RAP1B: variants seen among roughly 807,000 people sequenced by gnomAD.
RAP1B encodes ras-related protein Rap-1b.
A neutral mutation model predicts 27.5 loss-of-function variants in RAP1B; 1 was observed. The observed-to-expected ratio is 0.04, with a 90% CI of 0.01 to 0.17. The LOEUF is 0.17. RAP1B is among the 10% of genes least tolerant of loss of function. RAP1B has a pLI of 1.00. For synonymous variants in RAP1B, 75 were observed against 73.1 expected (o/e 1.03, Z -0.13); for missense variants, 84 against 214.8 (o/e 0.39, Z 3.81).
At chr12:68,648,817 C>G in intron 2 of RAP1B, 36 bp downstream of exon 2, 1 of 1,553,148 alleles carries the variant, frequency 6.4e-7, no homozygotes, top group Non-Finnish European at 8.7e-7. Context: ...CCTTTCACTC[C>G]AAGACGTTCT....
chr12:68,644,396 C>T (rs960805381), intron 1 of RAP1B, among the ~76,000 whole-genome samples: 3 of 151,962 alleles, frequency 2.0e-5, no homozygotes, highest in East Asian at 1.9e-4. Flanking sequence ...ATCTGGCTAA[C>T]GCGGTGAAAC....
intron 4 of RAP1B, among the ~76,000 whole-genome samples, chr12:68,652,702 C>T (rs569564635): frequency 2.6e-5 from 4 of 152,008 alleles, no homozygotes; most frequent in Non-Finnish European, 2.9e-5. Flanking sequence ...CCTGTAATCC[C>T]AGTTACTTGG....
At chr12:68,644,409 C>T (rs190648359) in intron 1 of RAP1B, among the ~76,000 whole-genome samples, 7 of 151,928 alleles carry the variant, frequency 4.6e-5, no homozygotes, top group Admixed American at 1.3e-4. Flanking sequence ...GGTGAAACCC[C>T]GTCTCTACTA....
At chr12:68,637,599 C>CAAAAAA (rs58656248) in intron 1 of RAP1B, among the ~76,000 whole-genome samples, 68 of 34,246 alleles carry the variant, frequency 2.0e-3, no homozygotes, top group African/African-American at 3.6e-3. Flanking sequence ...AACTCCATCT[C>CAAAAAA]AAAAAAAAAA....
At chr12:68,635,481 A>G (rs1872565355) in intron 1 of RAP1B, among the ~76,000 whole-genome samples, 1 of 152,242 alleles carries the variant, frequency 6.6e-6, no homozygotes, top group African/African-American at 2.4e-5. Flanking sequence ...TTTTTGAGAC[A>G]GAGTCACTCT....
Position 68,661,473 on chromosome 12 carries a change from G to A in RAP1B, c.*2224G>A, listed in dbSNP as rs1333186189. ...AAATTGTTCTAGGCCTAAGGATGTAGCAGCAACCAAGATCAACTATAAAAT... is the reference window on the plus strand; with the variant it reads ...AAATTGTTCTAGGCCTAAGGATGTAACAGCAACCAAGATCAACTATAAAAT... On this transcript the variant is annotated 3_prime_UTR_variant, in exon 8 of 8. Transcript: ENST00000250559. 1.3e-5 allele frequency: 2 copies of A among 152,106 alleles called. No homozygotes were observed. The highest frequency in any genetic ancestry group is 2.9e-5 in the Non-Finnish European group (2 of 68,030). 9.4% of individuals were successfully genotyped at this position (152,106 alleles called of 1,614,324 possible). A position where few individuals can be genotyped will look rare whatever the true frequency, so the allele number is the denominator to read the frequency against.
chr12:68,616,437 A>ATTT (rs1871014447), intron 1 of RAP1B, among the ~76,000 whole-genome samples: 1 of 118,806 alleles, frequency 8.4e-6, no homozygotes, highest in African/African-American at 3.4e-5. Flanking sequence ...GTGCCTGGCT[A>ATTT]ATTTTTTTTT....
In RAP1B at chr12:68,668,577, A is replaced by G. The variant is rs771279541; in HGVS notation, c.*9328A>G. ...TGTCTAAACTTAAATCTAGTTTGAC[A>G]TTAACTTCTTTTCCAAAGAGAAATA... On this transcript the variant is annotated 3_prime_UTR_variant, in exon 8 of 8. Coordinates refer to ENST00000250559, the MANE Select transcript of RAP1B (RefSeq NM_001010942.3). The G allele has an allele frequency of 6.6e-5, 10 of 152,224 alleles. No individual in the cohort carries two copies. The highest frequency in any genetic ancestry group is 8.8e-5 in the Non-Finnish European group (6 of 68,034). 9.4% of individuals were successfully genotyped at this position (152,224 alleles called of 1,614,324 possible). A position where few individuals can be genotyped will look rare whatever the true frequency, so the allele number is the denominator to read the frequency against.
At chr12:68,631,327 A>G (rs539255627) in intron 1 of RAP1B, among the ~76,000 whole-genome samples, 1 of 152,238 alleles carries the variant, frequency 6.6e-6, no homozygotes, top group South Asian at 2.1e-4. Context: ...TTTTTCGCCA[A>G]AAAATTACCA....
Position 68,650,296 on chromosome 12 carries a change from C to T in RAP1B, c.58-104C>T, listed in dbSNP as rs201867700. 8.7e-4 allele frequency: 833 copies of T among 962,756 alleles called. 3 individuals carry two copies. The highest frequency in any genetic ancestry group is 2.0e-3 in the Middle Eastern group (6 of 2,932). 59.6% of individuals were successfully genotyped at this position (962,756 alleles called of 1,614,324 possible). On this transcript the variant is annotated intron_variant, in intron 2 of 7. Transcript: ENST00000250559. ...TAGTATTGGCTGTGGTTTTTTTTTTCATTGATGGTGTAACTCCCTGTGTGA... is the reference window on the plus strand; with the variant it reads ...TAGTATTGGCTGTGGTTTTTTTTTTTATTGATGGTGTAACTCCCTGTGTGA...
At chr12:68,631,549 G>A (rs1432224378) in intron 1 of RAP1B, among the ~76,000 whole-genome samples, 1 of 152,144 alleles carries the variant, frequency 6.6e-6, no homozygotes, top group East Asian at 1.9e-4. Context: ...GAAGATTACT[G>A]CTATTTTTAT....
At chr12:68,652,201 T>C (rs775207123) in intron 4 of RAP1B, 150 bp downstream of exon 4, 10 of 558,172 alleles carry the variant, frequency 1.8e-5, no homozygotes, top group Non-Finnish European at 2.8e-5. Flanking sequence ...TTCCCAGCAC[T>C]TCGGGAGGTC....
At chr12:68,659,047 T>C (rs549717395) in intron 7 of RAP1B, among the ~76,000 whole-genome samples, 1 of 152,326 alleles carries the variant, frequency 6.6e-6, no homozygotes, top group South Asian at 2.1e-4. Context: ...CCCTTTCTGT[T>C]CCTAAGATTT....
chr12:68,621,529 C>T (rs1871385491), intron 1 of RAP1B: 1 of 152,082 alleles, frequency 6.6e-6, no homozygotes, highest in Non-Finnish European at 1.5e-5. Context: ...GCATTTATAA[C>T]ATTTCTCTGT....
intron 1 of RAP1B, among the ~76,000 whole-genome samples, chr12:68,648,419 GTGTT>G (rs1280983974): frequency 2.6e-5 from 4 of 152,226 alleles, no homozygotes; most frequent in Non-Finnish European, 4.4e-5. Flanking sequence ...GGATATGGCT[GTGTT>G]TGAGTAAAAC....
At chr12:68,635,562 T>G (rs1401469484) in intron 1 of RAP1B, among the ~76,000 whole-genome samples, 2 of 151,972 alleles carry the variant, frequency 1.3e-5, no homozygotes, top group African/African-American at 2.4e-5. Context: ...TACAAGCAAT[T>G]CTCCTGCCTT....
At position 68,664,214 on chromosome 12, in the gene RAP1B, G is replaced by A. The variant is rs1399122704; in HGVS notation, c.*4965G>A. 5 of 152,094 alleles carry A rather than the reference G, an allele frequency of 3.3e-5. No individual in the cohort carries two copies. Among genetic ancestry groups the A allele is most frequent in the African/African-American group, 9.7e-5 (4 of 41,386 alleles). The allele number at this position is 152,094 out of a possible 1,614,324, so 9.4% of individuals were successfully genotyped here. A position where few individuals can be genotyped will look rare whatever the true frequency, so the allele number is the denominator to read the frequency against. ...ATATATTCACTTCAGTCAGGTTTCA[G>A]TTTTTAAATAGGCAGAGATCAAAAG... is the stretch of plus-strand genomic sequence containing the variant. On this transcript the variant is annotated 3_prime_UTR_variant, in exon 8 of 8. Transcript: ENST00000250559.
chr12:68,650,549 A>G, intron 3 of RAP1B, 81 bp downstream of exon 3: 1 of 1,159,576 alleles, frequency 8.6e-7, no homozygotes. Flanking sequence ...TGAATGTTTT[A>G]TACAAAGGAT....
intron 1 of RAP1B, among the ~76,000 whole-genome samples, chr12:68,628,979 C>T (rs1872029259): frequency 1.3e-5 from 2 of 151,842 alleles, no homozygotes; most frequent in South Asian, 2.1e-4. Flanking sequence ...AATCACAAAT[C>T]CTTTATCTCT....
Sources: gnomAD v4.1 joint callset for allele counts (sites outside exome capture counted in the v4.1 genomes callset) on GRCh38, gnomAD v4.1.1 for gene constraint, MANE v1.5 for transcripts, NCBI Gene and HGNC (gene_info 2026-07-23, HGNC 2026-07-21) for gene names.